PCDH15: variants seen among roughly 807,000 people sequenced by gnomAD.
The protein encoded by PCDH15 is protocadherin-15.
In PCDH15, 129 loss-of-function variants were observed where a neutral mutation model predicts 178.5. That is an observed-to-expected ratio of 0.72 (90% CI 0.63 to 0.84). The LOEUF (loss-of-function observed/expected upper bound fraction) is 0.84. Ranked by LOEUF, PCDH15 falls within the 40% of genes least tolerant of loss-of-function variation. The probability of loss-of-function intolerance (pLI) is 0.00; values close to 1 mark genes in which losing one functional copy is unlikely to be tolerated. For missense variants in PCDH15, 2,230 were observed against 2,099.9 expected, an observed-to-expected ratio of 1.06 and a Z score of -1.21; for synonymous variants, 800 against 732.0, an observed-to-expected ratio of 1.09 and a Z score of -1.50.
At chr10:55,548,247 C>A (rs903897859) in intron 2 of PCDH15, among the ~76,000 whole-genome samples, 11 of 148,502 alleles carry the variant, frequency 7.4e-5, no homozygotes, top group Non-Finnish European at 1.5e-4. Flanking sequence ...CACACACACA[C>A]ACACACAAAC....
intron 5 of PCDH15, among the ~76,000 whole-genome samples, chr10:54,358,063 T>A (rs1945334763): frequency 6.6e-6 from 1 of 151,012 alleles, no homozygotes; most frequent in African/African-American, 2.5e-5. Flanking sequence ...TAAAAAACCC[T>A]AGAAGAAAAC....
intron 3 of PCDH15, among the ~76,000 whole-genome samples, chr10:54,471,759 A>G (rs1425074386): frequency 6.6e-6 from 1 of 152,068 alleles, no homozygotes; most frequent in Non-Finnish European, 1.5e-5. Context: ...CAAACAATGA[A>G]TCAAGTGTAA....
At chr10:55,244,831 A>T (rs962241399) in intron 1 of PCDH15, among the ~76,000 whole-genome samples, 6 of 151,524 alleles carry the variant, frequency 4.0e-5, no homozygotes, top group Non-Finnish European at 8.8e-5. Context: ...CAGCCATTTC[A>T]TTGAAAAAGT....
At chr10:54,882,195 A>G (rs986399294) in intron 3 of PCDH15, among the ~76,000 whole-genome samples, 2 of 152,102 alleles carry the variant, frequency 1.3e-5, no homozygotes, top group Non-Finnish European at 2.9e-5. Flanking sequence ...TAAGAAATGG[A>G]CTTTTAAGAA....
intron 2 of PCDH15, among the ~76,000 whole-genome samples, chr10:55,340,520 G>A (rs138920347): frequency 3.3e-5 from 5 of 151,974 alleles, no homozygotes; most frequent in East Asian, 3.9e-4. Flanking sequence ...AAAACTTCAC[G>A]TATCTGCATG....
chr10:54,795,382 T>C (rs1951852101), intron 1 of PCDH15, among the ~76,000 whole-genome samples: 1 of 151,786 alleles, frequency 6.6e-6, no homozygotes, highest in African/African-American at 2.4e-5. Flanking sequence ...CTTAAGAAAG[T>C]AGGATGGACA....
intron 15 of PCDH15, among the ~76,000 whole-genome samples, chr10:54,100,930 T>C (rs1317301719): frequency 1.3e-5 from 2 of 152,108 alleles, no homozygotes; most frequent in Non-Finnish European, 2.9e-5. Context: ...CCACTTTATA[T>C]ACTGATAAAC....
chr10:55,202,205 T>G (rs1389493634), intron 1 of PCDH15, among the ~76,000 whole-genome samples: 1 of 152,090 alleles, frequency 6.6e-6, no homozygotes, highest in African/African-American at 2.4e-5. Flanking sequence ...GTAGTGTTAT[T>G]GGAAACTTCA....
At chr10:54,185,005 G>T (rs1355073984) in intron 12 of PCDH15, 129 bp downstream of exon 12, 2 of 1,115,652 alleles carry the variant, frequency 1.8e-6, no homozygotes, top group Admixed American at 4.2e-5. Flanking sequence ...CTCTGGTATT[G>T]AAAATAATGT....
intron 2 of PCDH15, chr10:54,600,630 G>A (rs1415832567): frequency 1.5e-5 from 9 of 580,656 alleles, no homozygotes; most frequent in Non-Finnish European, 2.9e-5. Flanking sequence ...TACTAAAAAG[G>A]TAGAAAATGT....
At chr10:55,474,807 T>C (rs1352257515) in intron 2 of PCDH15, among the ~76,000 whole-genome samples, 1 of 152,146 alleles carries the variant, frequency 6.6e-6, no homozygotes, top group African/African-American at 2.4e-5. Flanking sequence ...TTTTCTTTTT[T>C]TGTATAATAA....
chr10:53,942,706 G>C (rs1199308814), intron 23 of PCDH15, among the ~76,000 whole-genome samples: 1 of 152,172 alleles, frequency 6.6e-6, no homozygotes, highest in Admixed American at 6.5e-5. Context: ...CATGTACTTG[G>C]AAGTGGATCT....
rs78484233 is a variant in PCDH15 at position 54,613,130 on chromosome 10, C to G, written c.91+51042G>C. ...TTACAATGCCCATTTTAGGGAAACA[C>G]GGCATTGCTATGTTTTTAAAGCACG... is the stretch of plus-strand genomic sequence containing the variant. On this transcript the variant is annotated intron_variant, in intron 2 of 37. Transcript: ENST00000644397. Among the ~76,000 whole-genome samples, 4 of 151,836 alleles carry G rather than the reference C, an allele frequency of 2.6e-5. No individual in the cohort carries two copies. In the South Asian group the frequency reaches 8.3e-4, roughly 32 times the overall value.
At chr10:53,998,500 C>A (rs571388247) in intron 20 of PCDH15, among the ~76,000 whole-genome samples, 27 of 151,770 alleles carry the variant, frequency 1.8e-4, no homozygotes, top group Non-Finnish European at 2.6e-4. Context: ...TCACAGAAAC[C>A]TTTTCTCCTT....
At chr10:54,705,829 T>C (rs2095359835) in intron 1 of PCDH15, among the ~76,000 whole-genome samples, 1 of 152,226 alleles carries the variant, frequency 6.6e-6, no homozygotes, top group Non-Finnish European at 1.5e-5. Context: ...ATAAGTCTGA[T>C]AGTTTTACTC....
intron 2 of PCDH15, among the ~76,000 whole-genome samples, chr10:55,140,186 A>T (rs1377768154): frequency 6.6e-6 from 1 of 151,918 alleles, no homozygotes; most frequent in African/African-American, 2.4e-5. Flanking sequence ...TAGATTCTTT[A>T]AGAGTTTCCA....
intron 13 of PCDH15, among the ~76,000 whole-genome samples, chr10:54,174,753 G>C (rs570479741): frequency 8.0e-6 from 1 of 124,528 alleles, no homozygotes; most frequent in South Asian, 2.5e-4. Flanking sequence ...TCACCCAGCC[G>C]GGAGTGCAAT....
intron 6 of PCDH15, among the ~76,000 whole-genome samples, chr10:54,338,246 A>G (rs532918763): frequency 6.6e-6 from 1 of 152,352 alleles, no homozygotes; most frequent in African/African-American, 2.4e-5. Context: ...AGTTTCCAGT[A>G]AAATGAGAAT....
chr10:54,927,573 C>G (rs1442544286), intron 2 of PCDH15, among the ~76,000 whole-genome samples: 1 of 152,032 alleles, frequency 6.6e-6, no homozygotes, highest in Non-Finnish European at 1.5e-5. Context: ...GAGTCTAAGT[C>G]TCTTTGAAGT....
Sources: gnomAD v4.1 joint callset for allele counts (sites outside exome capture counted in the v4.1 genomes callset) on GRCh38, gnomAD v4.1.1 for gene constraint, MANE v1.5 for transcripts, NCBI Gene and HGNC (gene_info 2026-07-23, HGNC 2026-07-21) for gene names.